MLLT3: variants seen among roughly 807,000 people sequenced by gnomAD.
The protein encoded by MLLT3 is MLLT3 super elongation complex subunit.
A neutral mutation model predicts 53.2 loss-of-function variants in MLLT3; 4 were observed. The ratio of observed to expected loss-of-function variants is 0.08; its 90% confidence interval spans 0.04 to 0.17. The LOEUF is 0.17. Among genes scored for constraint, MLLT3 ranks in the 10% least tolerant of loss-of-function variants. MLLT3 has a pLI of 1.00. For synonymous variants in MLLT3, 283 were observed against 230.6 expected (o/e 1.23, Z -2.06); for missense variants, 569 against 684.0 (o/e 0.83, Z 1.87).
intron 2 of MLLT3, among the ~76,000 whole-genome samples, chr9:20,559,992 T>C (rs930853475): frequency 6.6e-6 from 1 of 152,188 alleles, no homozygotes; most frequent in South Asian, 2.1e-4. Context: ...TTTCTTCAGA[T>C]ATAAAATAAG....
At chr9:20,446,765 CAG>C (rs1054719472) in intron 4 of MLLT3, among the ~76,000 whole-genome samples, 13 of 152,262 alleles carry the variant, frequency 8.5e-5, no homozygotes, top group Middle Eastern at 3.4e-3. Context: ...AGGAGTAAAA[CAG>C]AGTTACTTTT....
At chr9:20,454,780 A>G (rs1410320902) in intron 3 of MLLT3, among the ~76,000 whole-genome samples, 2 of 152,212 alleles carry the variant, frequency 1.3e-5, no homozygotes, top group African/African-American at 4.8e-5. Flanking sequence ...GGAATATGGG[A>G]GATAGAGACA....
At chr9:20,389,634 G>T (rs139911979) in intron 5 of MLLT3, among the ~76,000 whole-genome samples, 1 of 151,666 alleles carries the variant, frequency 6.6e-6, no homozygotes, top group East Asian at 1.9e-4. Context: ...AAAAAAAAAA[G>T]CCACATGTGG....
Position 20,342,263 on chromosome 9 carries a change from C to A in MLLT3, c.*4180G>T. On this transcript the variant is annotated 3_prime_UTR_variant, in exon 11 of 11. Coordinates refer to ENST00000380338, the MANE Select transcript of MLLT3 (RefSeq NM_004529.4). ...ACCTATTTCTATCAATCTGTACTTA[C>A]ATTTCAACATGGATTTTAGAGAAGG... 4.5e-6 allele frequency: 1 copy of A among 222,636 alleles called. No individual in the cohort carries two copies. The highest frequency in any genetic ancestry group is 9.0e-6 in the Non-Finnish European group (1 of 111,450). The allele number at this position is 222,636 out of a possible 1,614,324, so 13.8% of individuals were successfully genotyped here. A position where few individuals can be genotyped will look rare whatever the true frequency, so the allele number is the denominator to read the frequency against.
At chr9:20,456,612 G>A (rs1452324713) in intron 3 of MLLT3, 92 bp downstream of exon 3, 2 of 890,810 alleles carry the variant, frequency 2.2e-6, no homozygotes, top group Non-Finnish European at 3.6e-6. Flanking sequence ...ATCATCTAGT[G>A]ACAGAAGTGC....
intron 4 of MLLT3, among the ~76,000 whole-genome samples, chr9:20,445,860 A>C (rs1823682191): frequency 1.3e-5 from 2 of 152,148 alleles, no homozygotes; most frequent in South Asian, 4.1e-4. Flanking sequence ...CCAAAAAATA[A>C]GAAGAAGAAG....
intron 2 of MLLT3, among the ~76,000 whole-genome samples, chr9:20,558,943 C>T (rs1819131513): frequency 6.6e-6 from 1 of 152,162 alleles, no homozygotes; most frequent in South Asian, 2.1e-4. Context: ...AGTCACAGTC[C>T]TGGTGAAGGG....
Position 20,342,358 on chromosome 9 carries a change from A to G in MLLT3, c.*4085T>C, listed in dbSNP as rs1466299130. ...ACACATACACAATGTATCTTTCAAC[A>G]TAACTACACATACACAGTCCATTAA... On this transcript the variant is annotated 3_prime_UTR_variant, in exon 11 of 11. Coordinates refer to ENST00000380338, the MANE Select transcript of MLLT3 (RefSeq NM_004529.4). 3 of 224,690 alleles carry G rather than the reference A, an allele frequency of 1.3e-5. No individual in the cohort carries two copies. Among genetic ancestry groups the G allele is most frequent in the African/African-American group, 6.7e-5 (3 of 44,982 alleles). The allele number at this position is 224,690 out of a possible 1,614,324, so 13.9% of individuals were successfully genotyped here.
intron 2 of MLLT3, among the ~76,000 whole-genome samples, chr9:20,561,986 T>C (rs1274938308): frequency 6.6e-6 from 1 of 151,998 alleles, no homozygotes; most frequent in Non-Finnish European, 1.5e-5. Context: ...AGTAAGGACA[T>C]CACCAAGGGG....
At chr9:20,528,676 G>A (rs571153994) in intron 2 of MLLT3, among the ~76,000 whole-genome samples, 3 of 152,182 alleles carry the variant, frequency 2.0e-5, no homozygotes, top group Non-Finnish European at 4.4e-5. Flanking sequence ...CTGTGTGTCT[G>A]TCAAATCTCA....
At chr9:20,613,463 A>G (rs1696817564) in intron 2 of MLLT3, among the ~76,000 whole-genome samples, 1 of 152,232 alleles carries the variant, frequency 6.6e-6, no homozygotes, top group South Asian at 2.1e-4. Context: ...CATTAGCTGC[A>G]TCTATAATAG....
At chr9:20,449,944 C>T (rs1823798578) in intron 3 of MLLT3, among the ~76,000 whole-genome samples, 1 of 152,184 alleles carries the variant, frequency 6.6e-6, no homozygotes, top group Non-Finnish European at 1.5e-5. Flanking sequence ...TCAGTTCCAC[C>T]TGTGTGACAG....
At chr9:20,485,785 A>T (rs1824795768) in intron 2 of MLLT3, among the ~76,000 whole-genome samples, 1 of 139,618 alleles carries the variant, frequency 7.2e-6, no homozygotes, top group Non-Finnish European at 1.5e-5. Context: ...ATGTGATTTA[A>T]TACATAAAGA....
rs536525694 is a variant in MLLT3, at chr9:20,412,197, G to T, written c.1125+1524C>A. On this transcript the variant is annotated intron_variant, in intron 5 of 10. Coordinates refer to ENST00000380338, the MANE Select transcript of MLLT3 (RefSeq NM_004529.4). ...AACCCAACAGCATTTCAGGGTGATT[G>T]GAAACAAAAGTCAAACACACACAAA... is the stretch of plus-strand genomic sequence containing the variant. 7.9e-5 allele frequency among the ~76,000 whole-genome samples: 12 copies of T among 151,902 alleles called. No homozygotes were observed. The South Asian group carries it at 1.7e-3, about 21-fold the overall frequency.
At chr9:20,567,702 G>T (rs1819415609) in intron 2 of MLLT3, among the ~76,000 whole-genome samples, 1 of 151,960 alleles carries the variant, frequency 6.6e-6, no homozygotes, top group African/African-American at 2.4e-5. Flanking sequence ...CAAGACACAG[G>T]GTACATGTCC....
intron 3 of MLLT3, among the ~76,000 whole-genome samples, chr9:20,455,927 CTTTTT>C (rs780438955): frequency 1.7e-5 from 2 of 116,876 alleles, no homozygotes; most frequent in South Asian, 2.9e-4. Flanking sequence ...CTGCTAAAAA[CTTTTT>C]TTTTTTTTTT....
Position 20,363,694 on chromosome 9 carries a change from G to T in MLLT3, c.1202-89C>A, listed in dbSNP as rs185529071. On this transcript the variant is annotated intron_variant, in intron 6 of 10. Coordinates refer to ENST00000380338, the MANE Select transcript of MLLT3 (RefSeq NM_004529.4). ...AAACAGGGGGATGCTTACCAGCACTGAACACTGGTTAAAAATAATCATCAT... is the reference window on the plus strand; with the variant it reads ...AAACAGGGGGATGCTTACCAGCACTTAACACTGGTTAAAAATAATCATCAT... 392 of 1,208,398 alleles carry T rather than the reference G, an allele frequency of 3.2e-4. 4 individuals are homozygous for T. The highest frequency in any genetic ancestry group is 2.0e-4 in the East Asian group (8 of 39,462). 74.9% of individuals were successfully genotyped at this position (1,208,398 alleles called of 1,614,324 possible). A position where few individuals can be genotyped will look rare whatever the true frequency, so the allele number is the denominator to read the frequency against.
chr9:20,608,396 A>C (rs1338012901), intron 2 of MLLT3, among the ~76,000 whole-genome samples: 14 of 151,918 alleles, frequency 9.2e-5, no homozygotes, highest in Admixed American at 9.2e-4. Context: ...ACTTTTCAAA[A>C]CATTCCTAAG....
At chr9:20,534,250 A>G (rs907869588) in intron 2 of MLLT3, among the ~76,000 whole-genome samples, 1 of 152,210 alleles carries the variant, frequency 6.6e-6, no homozygotes, top group African/African-American at 2.4e-5. Context: ...AACTGACCCA[A>G]CTTTTAAAAA....
Sources: gnomAD v4.1 joint callset for allele counts (sites outside exome capture counted in the v4.1 genomes callset) on GRCh38, gnomAD v4.1.1 for gene constraint, MANE v1.5 for transcripts, NCBI Gene and HGNC (gene_info 2026-07-23, HGNC 2026-07-21) for gene names.